ZNF438: variants seen among roughly 807,000 people sequenced by gnomAD.
The protein encoded by ZNF438 is zinc finger protein 438.
A neutral mutation model predicts 38.0 loss-of-function variants in ZNF438; 25 were observed. The ratio of observed to expected loss-of-function variants is 0.66; its 90% CI spans 0.48 to 0.92. The LOEUF (loss-of-function observed/expected upper bound fraction) is 0.92, where lower values mean the gene tolerates loss of function less well. Ranked by LOEUF, ZNF438 falls within the 40% of genes least tolerant of loss-of-function variation. ZNF438 has a pLI of 0.00. For synonymous variants in ZNF438, 372 were observed against 364.1 expected (o/e 1.02, Z -0.25); for missense variants, 1,007 against 999.6 (o/e 1.01, Z -0.10).
At chr10:30,848,012 T>G (rs1463041608) in intron 5 of ZNF438, among the ~76,000 whole-genome samples, 1 of 152,196 alleles carries the variant, frequency 6.6e-6, no homozygotes, top group African/African-American at 2.4e-5. Flanking sequence ...CACAGAGGTT[T>G]CCGGCTGGTG....
chr10:30,968,855 C>T (rs1350851210), intron 1 of ZNF438, among the ~76,000 whole-genome samples: 1 of 152,064 alleles, frequency 6.6e-6, no homozygotes, highest in Admixed American at 6.6e-5. Flanking sequence ...CTTTAGAGAC[C>T]CGTGGTTGGG....
intron 1 of ZNF438, among the ~76,000 whole-genome samples, chr10:30,947,199 T>C (rs1251321575): frequency 1.3e-5 from 2 of 152,212 alleles, no homozygotes; most frequent in Non-Finnish European, 2.9e-5. Context: ...GAGCTCATTC[T>C]CGAGTTGAAG....
intron 4 of ZNF438, among the ~76,000 whole-genome samples, chr10:30,856,438 T>C (rs1028459042): frequency 3.4e-4 from 51 of 152,208 alleles, no homozygotes; most frequent in African/African-American, 1.2e-3. Flanking sequence ...AAGCTGAAAA[T>C]GCCATTAAGT....
chr10:30,984,254 A>C (rs1320662788), intron 1 of ZNF438, 115 bp downstream of exon 2: 21 of 152,164 alleles, frequency 1.4e-4, no homozygotes, highest in Non-Finnish European at 1.5e-5. Flanking sequence ...TACTGAAGAG[A>C]AAAGAGTTAA....
intron 1 of ZNF438, among the ~76,000 whole-genome samples, chr10:30,953,182 C>T (rs1012225324): frequency 3.4e-5 from 5 of 145,796 alleles, no homozygotes; most frequent in African/African-American, 5.1e-5. Context: ...TATTCTCACT[C>T]ATAGGTGGGA....
chr10:30,998,530 G>A (rs1354252361), intron 1 of ZNF438, among the ~76,000 whole-genome samples: 1 of 93,414 alleles, frequency 1.1e-5, no homozygotes, highest in Admixed American at 1.8e-4. Context: ...GTGACAGAGA[G>A]AGACTGTCTC....
At position 30,948,560 on chromosome 10, in the gene ZNF438, C is replaced by A. The variant is rs1334660072; in HGVS notation, c.-191-6909G>T. 2.7e-3 allele frequency among the ~76,000 whole-genome samples: 405 copies of A among 151,190 alleles called. 2 individuals are homozygous for A. Among genetic ancestry groups the A allele is most frequent in the Admixed American group, 8.0e-3 (121 of 15,194 alleles). On this transcript the variant is annotated intron_variant, in intron 1 of 5. Transcript: ENST00000413025. ...CAATACAGAGAAGTGCTTAAAGGAG[C>A]TGATGGAGCTGAAAACCAAGGCTCG...
chr10:30,870,169 T>C lies in ZNF438; in HGVS notation c.37+6829A>G, dbSNP rs902230838. Among the ~76,000 whole-genome samples the C allele has an allele frequency of 4.6e-5, 7 of 152,356 alleles. No homozygotes were observed. In the South Asian group the frequency reaches 1.4e-3, roughly 32 times the overall value. On this transcript the variant is annotated intron_variant, in intron 4 of 5. Coordinates refer to ENST00000413025, the Ensembl canonical transcript of ZNF438. ...GCTTTCAAAGTTTTTACAAGGTGTA[T>C]TCATATACAGTTGATTCTCATTATT...
chr10:30,910,567 T>G (rs950061685), intron 2 of ZNF438: 1 of 150,758 alleles, frequency 6.6e-6, no homozygotes, highest in African/African-American at 2.4e-5. Flanking sequence ...CATGGTAGCA[T>G]GAAGAACGGA....
chr10:30,952,393 T>G (rs1267786991), intron 1 of ZNF438, among the ~76,000 whole-genome samples: 1 of 152,094 alleles, frequency 6.6e-6, no homozygotes, highest in East Asian at 1.9e-4. Context: ...AAGCCAAAAC[T>G]GACAAATGGG....
intron 2 of ZNF438, among the ~76,000 whole-genome samples, chr10:30,926,003 T>C (rs373078465): frequency 2.0e-5 from 3 of 151,912 alleles, no homozygotes; most frequent in East Asian, 3.9e-4. Context: ...CAGCAGGAGA[T>C]GAAGAAACTG....
chr10:30,986,767 T>A (rs1197656578), intron 1 of ZNF438, among the ~76,000 whole-genome samples: 2 of 152,216 alleles, frequency 1.3e-5, no homozygotes, highest in Non-Finnish European at 1.5e-5. Context: ...GTGTTGAGCA[T>A]CATGTTGGCA....
intron 2 of ZNF438, among the ~76,000 whole-genome samples, chr10:30,916,614 A>T (rs2043666607): frequency 6.6e-6 from 1 of 151,926 alleles, no homozygotes; most frequent in Admixed American, 6.6e-5. Flanking sequence ...GGATGGAGTT[A>T]TATTGGTTGG....
intron 4 of ZNF438, among the ~76,000 whole-genome samples, chr10:30,859,507 A>C (rs898089513): frequency 6.6e-6 from 1 of 152,208 alleles, no homozygotes; most frequent in South Asian, 2.1e-4. Context: ...GGTTATGGCC[A>C]GCATCTGATC....
At chr10:30,903,103 C>T (rs1352624580) in intron 3 of ZNF438, among the ~76,000 whole-genome samples, 7 of 152,198 alleles carry the variant, frequency 4.6e-5, no homozygotes, top group South Asian at 2.1e-4. Flanking sequence ...GTGCGGGGCC[C>T]GCCAAGCCCA....
chr10:30,921,944 T>A (rs2044345482), intron 2 of ZNF438, among the ~76,000 whole-genome samples: 1 of 152,178 alleles, frequency 6.6e-6, no homozygotes, highest in Admixed American at 6.5e-5. Context: ...CCTCCAGGGT[T>A]CCAAAAACGG....
chr10:30,890,854 T>G (rs2040593321), intron 3 of ZNF438, among the ~76,000 whole-genome samples: 1 of 152,218 alleles, frequency 6.6e-6, no homozygotes. Context: ...TTGTTCAATT[T>G]TAGGCATTAT....
chr10:30,868,949 G>C (rs895788547), intron 4 of ZNF438, among the ~76,000 whole-genome samples: 1 of 152,234 alleles, frequency 6.6e-6, no homozygotes, highest in Non-Finnish European at 1.5e-5. Flanking sequence ...AGTGAGATGT[G>C]ATGCTATGAA....
At chr10:30,875,593 A>G (rs2038290703) in intron 4 of ZNF438, 2 of 984,956 alleles carry the variant, frequency 2.0e-6, no homozygotes, top group African/African-American at 1.7e-5. Context: ...AATCTTCCAG[A>G]GGATATATAC....
Sources: allele counts gnomAD v4.1 joint callset (sites outside exome capture counted in the v4.1 genomes callset), GRCh38; gene constraint gnomAD v4.1.1; transcripts MANE v1.5; gene names NCBI Gene and HGNC (gene_info 2026-07-23, HGNC 2026-07-21).